TENM2: variants seen among roughly 807,000 people sequenced by gnomAD.
TENM2 encodes teneurin transmembrane protein 2.
In TENM2, 52 loss-of-function variants were observed where a neutral mutation model predicts 245.2. The observed-to-expected ratio is 0.21, with a 90% CI of 0.17 to 0.27. The LOEUF (loss-of-function observed/expected upper bound fraction) is 0.27. TENM2 is among the 10% of genes least tolerant of loss of function. The pLI is 1.00. For missense variants in TENM2, 3,046 were observed against 3,666.8 expected (o/e 0.83, Z 4.37); for synonymous variants, 1,363 against 1,438.9 (o/e 0.95, Z 1.19).
chr5:167,868,271 G>A (rs1032813728), intron 2 of TENM2, among the ~76,000 whole-genome samples: 5 of 152,116 alleles, frequency 3.3e-5, no homozygotes, highest in Admixed American at 2.6e-4. Context: ...TAGGGAGCAG[G>A]ATTGCCCCAG....
chr5:167,030,475 CTCTT>C, the TENM2 span, among the ~76,000 whole-genome samples: 2 of 152,162 alleles, frequency 1.3e-5, no homozygotes, highest in African/African-American at 4.8e-5. Flanking sequence ...AGCGCTTTCT[CTCTT>C]TTTTTATTTA....
rs200213135 is a variant in TENM2 at position 168,123,535 on chromosome 5, C to T, written c.2009-1315C>T. Among the ~76,000 whole-genome samples, 7 of 152,128 alleles carry T rather than the reference C, an allele frequency of 4.6e-5. No homozygotes were observed. In the East Asian group the frequency reaches 9.6e-4, roughly 21 times the overall value. ...TGAGAATTTAAACCATAAGACGGTA[C>T]GCATACACAGGAAGGATTTAATAAC... On this transcript the variant is annotated intron_variant, in intron 10 of 28. Coordinates refer to ENST00000518659, the Ensembl canonical transcript of TENM2.
chr5:168,078,238 G>A (rs576652108), intron 7 of TENM2, among the ~76,000 whole-genome samples: 2 of 152,290 alleles, frequency 1.3e-5, no homozygotes, highest in South Asian at 4.1e-4. Flanking sequence ...TTTGAGAAGT[G>A]TCTGTTCATA....
chr5:167,643,349 A>T (rs1458399420), intron 2 of TENM2, among the ~76,000 whole-genome samples: 1 of 152,036 alleles, frequency 6.6e-6, no homozygotes, highest in Admixed American at 6.6e-5. Flanking sequence ...GTTTCTGGAT[A>T]TTTCCTACCA....
chr5:168,037,580 GTTCATGCCC>G (rs1787825417), intron 5 of TENM2, among the ~76,000 whole-genome samples: 1 of 75,190 alleles, frequency 1.3e-5, no homozygotes, highest in African/African-American at 5.7e-5. Context: ...AGGTTATTTT[GTTCATGCCC>G]TACCTTGCAA....
chr5:167,551,621 C>T (rs1772951347), intron 2 of TENM2, among the ~76,000 whole-genome samples: 2 of 152,138 alleles, frequency 1.3e-5, no homozygotes. Flanking sequence ...TACACACACA[C>T]ATACACGCAC....
At chr5:167,034,149 G>C in the TENM2 span, among the ~76,000 whole-genome samples, 1 of 152,210 alleles carries the variant, frequency 6.6e-6, no homozygotes, top group East Asian at 1.9e-4. Context: ...CTACAACTAA[G>C]ACTAGCCCTT....
At chr5:168,087,893 C>T (rs972677603) in intron 7 of TENM2, among the ~76,000 whole-genome samples, 1 of 152,162 alleles carries the variant, frequency 6.6e-6, no homozygotes, top group African/African-American at 2.4e-5. Flanking sequence ...AAGATCTTCT[C>T]CCAGAGCCCC....
In TENM2 at chr5:168,070,314, T is replaced by C. The variant is rs566012322; in HGVS notation, c.1515+8049T>C. On this transcript the variant is annotated intron_variant, in intron 7 of 28. Transcript: ENST00000518659. The stretch of plus-strand genomic sequence containing the variant: ...ATATAAAATAAACTTTTTGGCAGGG[T>C]TTCCTTTTCCAAGATAAAGTTCTAA... 7.9e-5 allele frequency among the ~76,000 whole-genome samples: 12 copies of C among 152,198 alleles called. No homozygotes were observed. The South Asian group carries it at 2.1e-3, about 26-fold the overall frequency.
intron 15 of TENM2, among the ~76,000 whole-genome samples, chr5:168,198,213 T>TTTG (rs58109672): frequency 2.1e-5 from 3 of 146,306 alleles, no homozygotes; most frequent in African/African-American, 7.8e-5. Flanking sequence ...TTTTTTTTTT[T>TTTG]GAGACAGAGT....
At chr5:167,696,665 T>C (rs1757785743) in intron 2 of TENM2, among the ~76,000 whole-genome samples, 2 of 152,220 alleles carry the variant, frequency 1.3e-5, no homozygotes, top group African/African-American at 4.8e-5. Context: ...GAGTGTGCTG[T>C]ATTTTCTACA....
rs150635067 is a variant in TENM2, at chr5:168,046,161, T to G, written c.1187-1266T>G. On this transcript the variant is annotated intron_variant, in intron 5 of 28. Transcript: ENST00000518659. ...TTGTTTGAAGATAGGTTTTTAACCTTAATAGAATGCAGTCTGACTTTACGT... is the reference window on the plus strand; with the variant it reads ...TTGTTTGAAGATAGGTTTTTAACCTGAATAGAATGCAGTCTGACTTTACGT... Among the ~76,000 whole-genome samples the G allele has an allele frequency of 2.1e-4, 32 of 152,310 alleles. 1 individual carries two copies. The East Asian group carries it at 4.8e-3, about 23-fold the overall frequency.
intron 2 of TENM2, among the ~76,000 whole-genome samples, chr5:167,694,177 A>G (rs960639227): frequency 2.6e-5 from 4 of 152,124 alleles, no homozygotes; most frequent in African/African-American, 9.7e-5. Context: ...TCAATTTCTC[A>G]TCCCAAGTGA....
At chr5:167,807,398 A>G (rs1016848178) in intron 2 of TENM2, among the ~76,000 whole-genome samples, 1 of 152,090 alleles carries the variant, frequency 6.6e-6, no homozygotes, top group East Asian at 1.9e-4. Context: ...CACCTTGCCC[A>G]CTACATAGCA....
At chr5:167,875,103 A>G (rs1456551232) in intron 2 of TENM2, among the ~76,000 whole-genome samples, 1 of 152,228 alleles carries the variant, frequency 6.6e-6, no homozygotes, top group African/African-American at 2.4e-5. Flanking sequence ...GGTGAATAAA[A>G]TAAACAAGAT....
At chr5:167,936,632 T>G (rs1166687501) in intron 3 of TENM2, among the ~76,000 whole-genome samples, 1 of 152,194 alleles carries the variant, frequency 6.6e-6, no homozygotes, top group Non-Finnish European at 1.5e-5. Context: ...ATGTTTAATT[T>G]TATTGTGGTA....
chr5:167,501,834 T>A (rs1296878299), intron 2 of TENM2, among the ~76,000 whole-genome samples: 3 of 152,138 alleles, frequency 2.0e-5, no homozygotes, highest in African/African-American at 7.2e-5. Flanking sequence ...AAGTAATCAA[T>A]TATTGCAACA....
chr5:167,932,972 C>T (rs1343027647), intron 3 of TENM2, among the ~76,000 whole-genome samples: 2 of 152,100 alleles, frequency 1.3e-5, no homozygotes, highest in Non-Finnish European at 2.9e-5. Flanking sequence ...TTTGCAGCCC[C>T]AGCCTAAGCA....
chr5:167,818,843 G>A (rs1767276622), intron 2 of TENM2, among the ~76,000 whole-genome samples: 2 of 152,158 alleles, frequency 1.3e-5, no homozygotes, highest in Admixed American at 1.3e-4. Flanking sequence ...CCTTAGTGGG[G>A]AGGATGAGAG....
Sources: gnomAD v4.1 joint callset for allele counts (sites outside exome capture counted in the v4.1 genomes callset) on GRCh38, gnomAD v4.1.1 for gene constraint, MANE v1.5 for transcripts, NCBI Gene and HGNC (gene_info 2026-07-23, HGNC 2026-07-21) for gene names.